The following TMEM132D variants were observed in gnomAD, a reference collection of about 807,000 sequenced individuals.
The protein encoded by TMEM132D is transmembrane protein 132D, also known as mature OL transmembrane protein.
TMEM132D carries 21 observed loss-of-function variants against 62.3 expected under a neutral mutation model. The observed-to-expected ratio is 0.34, with a 90% CI of 0.24 to 0.49. The LOEUF is 0.49. Among genes scored for constraint, TMEM132D ranks in the 20% least tolerant of loss-of-function variants. The pLI is 0.99. For synonymous variants in TMEM132D, 621 were observed against 575.6 expected, an observed-to-expected ratio of 1.08 and a Z score of -1.13; for missense variants, 1,346 against 1,402.8, an observed-to-expected ratio of 0.96 and a Z score of 0.65.
intron 1 of TMEM132D, among the ~76,000 whole-genome samples, chr12:129,806,632 A>T (rs954852227): frequency 4.3e-4 from 64 of 148,488 alleles, no homozygotes; most frequent in Non-Finnish European, 4.2e-4. Context: ...AGCATGGCAC[A>T]TGTATACATA....
Position 129,745,820 on chromosome 12 carries a change from A to G in TMEM132D, c.80-45122T>C, listed in dbSNP as rs544437212. ...AATAAATGGAGGAACCAACTTGCAA[A>G]GAGTAAAAATGATGTAAACTATTCG... On this transcript the variant is annotated intron_variant, in intron 1 of 8. Coordinates refer to ENST00000422113, the MANE Select transcript of TMEM132D (RefSeq NM_133448.3). Among the ~76,000 whole-genome samples, 7 of 152,348 alleles carry G rather than the reference A, an allele frequency of 4.6e-5. No individual in the cohort carries two copies. In the South Asian group the frequency reaches 1.4e-3, roughly 32 times the overall value.
chr12:129,743,471 T>C (rs759957304), intron 1 of TMEM132D, among the ~76,000 whole-genome samples: 11 of 152,200 alleles, frequency 7.2e-5, no homozygotes, highest in Non-Finnish European at 1.5e-4. Flanking sequence ...AGAACGTGTT[T>C]GCTTCCCCTT....
intron 1 of TMEM132D, among the ~76,000 whole-genome samples, chr12:129,778,985 C>A (rs983185798): frequency 6.6e-6 from 1 of 152,210 alleles, no homozygotes; most frequent in African/African-American, 2.4e-5. Flanking sequence ...GTTTCTTTCT[C>A]TCTCACGTAA....
chr12:129,703,724 G>A (rs1260654971), intron 1 of TMEM132D, among the ~76,000 whole-genome samples: 1 of 152,118 alleles, frequency 6.6e-6, no homozygotes, highest in Non-Finnish European at 1.5e-5. Flanking sequence ...CTTACTTGAA[G>A]GAGAGTGACA....
intron 4 of TMEM132D, among the ~76,000 whole-genome samples, chr12:129,267,046 A>T (rs978173550): frequency 6.6e-6 from 1 of 152,122 alleles, no homozygotes; most frequent in African/African-American, 2.4e-5. Context: ...AGCAAGCCCC[A>T]CAATCAAGCC....
intron 2 of TMEM132D, among the ~76,000 whole-genome samples, chr12:129,651,564 G>A (rs1433928134): frequency 6.6e-6 from 1 of 152,326 alleles, no homozygotes; most frequent in Admixed American, 6.5e-5. Flanking sequence ...GTCTGAAAGA[G>A]CACCTAGTGG....
Position 129,265,407 on chromosome 12 carries a change from C to A in TMEM132D, c.1300-55744G>T, listed in dbSNP as rs192274103. Among the ~76,000 whole-genome samples, 614 of 152,266 alleles carry A rather than the reference C, an allele frequency of 4.0e-3. 1 individual carries two copies. The highest frequency in any genetic ancestry group is 6.8e-3 in the Middle Eastern group (2 of 294). On this transcript the variant is annotated intron_variant, in intron 4 of 8. Transcript: ENST00000422113. Reference sequence around the variant, plus strand: ...AATGGGCAAAATGTGGGGCGGATCTCCTGGGGAAATGTGATTTTGGTCCGA... The same window carrying A: ...AATGGGCAAAATGTGGGGCGGATCTACTGGGGAAATGTGATTTTGGTCCGA...
Position 129,754,311 on chromosome 12 carries a change from T to C in TMEM132D, c.80-53613A>G, listed in dbSNP as rs1870095592. On this transcript the variant is annotated intron_variant, in intron 1 of 8. Coordinates refer to ENST00000422113, the MANE Select transcript of TMEM132D (RefSeq NM_133448.3). ...TATGCAGAATCTTAGGCATCAAAAG[T>C]GATCAGAGTTCCCCCAGTCCAGCAT... 3.9e-5 allele frequency among the ~76,000 whole-genome samples: 6 copies of C among 152,244 alleles called. No homozygotes were observed. The South Asian group carries it at 1.2e-3, about 32-fold the overall frequency.
intron 3 of TMEM132D, among the ~76,000 whole-genome samples, chr12:129,459,839 C>T (rs763977658): frequency 6.6e-6 from 1 of 152,132 alleles, no homozygotes; most frequent in Non-Finnish European, 1.5e-5. Context: ...AACACCAGCA[C>T]GCATTCAAAC....
At chr12:129,611,946 T>G (rs899804611) in intron 2 of TMEM132D, among the ~76,000 whole-genome samples, 1 of 152,166 alleles carries the variant, frequency 6.6e-6, no homozygotes, top group Non-Finnish European at 1.5e-5. Flanking sequence ...CCAAGTCTCA[T>G]GCTCTCACTC....
intron 5 of TMEM132D, 103 bp downstream of exon 5, chr12:129,209,417 G>A: frequency 7.0e-7 from 1 of 1,434,188 alleles, no homozygotes; most frequent in Non-Finnish European, 9.5e-7. Flanking sequence ...GGATCCTGTG[G>A]GACCCAGAGG....
chr12:129,481,463 CA>C (rs60589482), intron 3 of TMEM132D, among the ~76,000 whole-genome samples: 3,254 of 103,018 alleles, frequency 0.032, 59 homozygotes, highest in South Asian at 0.11. Context: ...ACCCTGTCTC[CA>C]AAAAAAAAAA....
chr12:129,748,763 T>G (rs1019137070), intron 1 of TMEM132D, among the ~76,000 whole-genome samples: 1 of 152,188 alleles, frequency 6.6e-6, no homozygotes, highest in Non-Finnish European at 1.5e-5. Flanking sequence ...ATCTTCTCCT[T>G]CAGGGTTGCT....
intron 1 of TMEM132D, among the ~76,000 whole-genome samples, chr12:129,746,753 C>T (rs1869792863): frequency 6.6e-6 from 1 of 152,024 alleles, no homozygotes; most frequent in East Asian, 1.9e-4. Context: ...ACGGAAGAGA[C>T]ACTCCTAAGG....
intron 3 of TMEM132D, among the ~76,000 whole-genome samples, chr12:129,524,749 C>G (rs1289677006): frequency 6.6e-6 from 1 of 151,414 alleles, no homozygotes; most frequent in African/African-American, 2.4e-5. Context: ...TTACAAATCC[C>G]CAGAAGGGTA....
At chr12:129,699,687 G>T (rs772751999) in intron 2 of TMEM132D, 123 bp downstream of exon 2, 8 of 1,253,308 alleles carry the variant, frequency 6.4e-6, no homozygotes, top group South Asian at 3.0e-5. Context: ...GATGGAGTTT[G>T]TAAGAACGGG....
At chr12:129,601,098 T>G (rs1481446509) in intron 2 of TMEM132D, among the ~76,000 whole-genome samples, 1 of 152,206 alleles carries the variant, frequency 6.6e-6, no homozygotes, top group African/African-American at 2.4e-5. Context: ...ATCAATGATT[T>G]TAACTAGATC....
chr12:129,148,033 G>C (rs566621107), intron 5 of TMEM132D, among the ~76,000 whole-genome samples: 65 of 152,204 alleles, frequency 4.3e-4, no homozygotes, highest in African/African-American at 1.5e-3. Context: ...CTTCTCCCAG[G>C]TAGGCTTAGA....
At chr12:129,590,462 C>T (rs1032954900) in intron 2 of TMEM132D, among the ~76,000 whole-genome samples, 3 of 152,224 alleles carry the variant, frequency 2.0e-5, no homozygotes, top group African/African-American at 7.2e-5. Flanking sequence ...GTGGCAAATG[C>T]TTCCAAACGT....
Sources: allele counts gnomAD v4.1 joint callset (sites outside exome capture counted in the v4.1 genomes callset), GRCh38; gene constraint gnomAD v4.1.1; transcripts MANE v1.5; gene names NCBI Gene and HGNC (gene_info 2026-07-23, HGNC 2026-07-21).